Variants in MALRD1 observed in about 807,000 individuals in gnomAD.
MALRD1 encodes MAM and LDL-receptor class A domain-containing protein 1.
Under a neutral mutation model 242.1 loss-of-function variants are expected in MALRD1, and 247 were observed. That is an observed-to-expected ratio of 1.02 (90% CI 0.92 to 1.13). MALRD1 has a LOEUF of 1.13. Ranked by LOEUF, MALRD1 falls within the 50% of genes most tolerant of loss-of-function variation. The pLI is 0.00. For synonymous variants in MALRD1, 995 were observed against 866.6 expected (o/e 1.15, Z -2.60); for missense variants, 2,989 against 2,533.1 (o/e 1.18, Z -3.86).
rs115634239 is a variant in MALRD1 at position 19,130,220 on chromosome 10, C to T, written c.1110+1833C>T. Among the ~76,000 whole-genome samples the T allele has an allele frequency of 4.8e-3, 725 of 152,092 alleles. 8 individuals carry two copies. The highest frequency in any genetic ancestry group is 0.017 in the African/African-American group (691 of 41,484). On this transcript the variant is annotated intron_variant, in intron 8 of 39. Transcript: ENST00000454679. ...TGCAGCATTACAAACTGTCCAGATA[C>T]GTGGGATCAATTTTACCAAAAAGGA...
At chr10:19,256,337 G>A (rs11593818) in intron 18 of MALRD1, among the ~76,000 whole-genome samples, 7,205 of 152,056 alleles carry the variant, frequency 0.047, 244 homozygotes, top group Middle Eastern at 0.075. Context: ...ACGTTTTTCT[G>A]TAGTATGTTC....
At chr10:19,644,032 C>T (rs189884359) in intron 36 of MALRD1, among the ~76,000 whole-genome samples, 4 of 152,298 alleles carry the variant, frequency 2.6e-5, no homozygotes, top group African/African-American at 7.2e-5. Flanking sequence ...GCTCTCTCCT[C>T]TTGCCTCTTC....
intron 18 of MALRD1, among the ~76,000 whole-genome samples, chr10:19,233,606 A>T (rs954254641): frequency 3.3e-5 from 5 of 152,180 alleles, no homozygotes; most frequent in Non-Finnish European, 1.5e-5. Context: ...AAAAAAGTAG[A>T]AACAAAGACA....
rs949434657 is a variant in MALRD1 at position 19,124,428 on chromosome 10, T to C, written c.797-96T>C. ...ATTAGTGTGTGCTGATGTGTATGTG[T>C]GTATATAAGCTTTTTGGTTGATTAC... On this transcript the variant is annotated intron_variant, in intron 6 of 39. Coordinates refer to ENST00000454679, the MANE Select transcript of MALRD1 (RefSeq NM_001142308.3). 2.2e-5 allele frequency: 22 copies of C among 1,012,230 alleles called. 1 individual carries two copies. Among genetic ancestry groups the C allele is most frequent in the Non-Finnish European group, 2.4e-5 (19 of 787,124 alleles). The allele number at this position is 1,012,230 out of a possible 1,614,324, so 62.7% of individuals were successfully genotyped here. A position where few individuals can be genotyped will look rare whatever the true frequency, so the allele number is the denominator to read the frequency against.
chr10:19,629,776 C>G (rs1256567148), intron 36 of MALRD1, among the ~76,000 whole-genome samples: 2 of 152,136 alleles, frequency 1.3e-5, no homozygotes, highest in African/African-American at 4.8e-5. Flanking sequence ...CACAATTTCC[C>G]CAATCAGGCC....
At chr10:19,475,135 G>T (rs1836669381) in intron 29 of MALRD1, among the ~76,000 whole-genome samples, 1 of 152,170 alleles carries the variant, frequency 6.6e-6, no homozygotes, top group African/African-American at 2.4e-5. Flanking sequence ...AAACTTTCTG[G>T]CCGGGCGCAG....
At chr10:19,621,158 G>C (rs1258634508) in intron 36 of MALRD1, among the ~76,000 whole-genome samples, 1 of 151,448 alleles carries the variant, frequency 6.6e-6, no homozygotes, top group South Asian at 2.1e-4. Context: ...ATAAAATTCA[G>C]TTAGAACACT....
intron 25 of MALRD1, among the ~76,000 whole-genome samples, chr10:19,349,609 G>C (rs1178288823): frequency 6.6e-6 from 1 of 152,110 alleles, no homozygotes; most frequent in Non-Finnish European, 1.5e-5. Flanking sequence ...GTTTTTATCT[G>C]TTTTTGCTGT....
intron 31 of MALRD1, among the ~76,000 whole-genome samples, chr10:19,523,943 G>A (rs1489645555): frequency 2.0e-5 from 3 of 152,090 alleles, no homozygotes; most frequent in Non-Finnish European, 2.9e-5. Flanking sequence ...TCTCAAAAGA[G>A]ATTAATGCCT....
intron 27 of MALRD1, among the ~76,000 whole-genome samples, chr10:19,388,013 A>C (rs562830803): frequency 2.0e-5 from 3 of 152,258 alleles, no homozygotes; most frequent in Non-Finnish European, 4.4e-5. Context: ...CAAGATCAAG[A>C]TATTGGCAAT....
At chr10:19,197,682 G>A (rs1163639121) in intron 14 of MALRD1, among the ~76,000 whole-genome samples, 1 of 152,064 alleles carries the variant, frequency 6.6e-6, no homozygotes, top group East Asian at 1.9e-4. Context: ...TTTCTATAAA[G>A]TCTTCCTTGA....
intron 32 of MALRD1, among the ~76,000 whole-genome samples, chr10:19,562,297 G>GTAGATAGA (rs78473002): frequency 0.17 from 24,123 of 144,582 alleles, 2,156 homozygotes; most frequent in East Asian, 0.29. Flanking sequence ...GCTGTCTTAG[G>GTAGATAGA]TAGATAGATA....
In MALRD1 at chr10:19,723,839, A is replaced by T. The variant is rs564695908; in HGVS notation, c.6315-6867A>T. ...AATATGAACATGTTGCAAGAGTATT[A>T]CTCCCGTGAGATAGTAGTAGAAACT... is the stretch of plus-strand genomic sequence containing the variant. On this transcript the variant is annotated intron_variant, in intron 38 of 39. Coordinates refer to ENST00000454679, the MANE Select transcript of MALRD1 (RefSeq NM_001142308.3). Among the ~76,000 whole-genome samples the T allele has an allele frequency of 2.6e-5, 4 of 151,722 alleles. No individual in the cohort carries two copies. The South Asian group carries it at 8.3e-4, about 32-fold the overall frequency.
At chr10:19,661,170 C>A (rs1030532945) in intron 36 of MALRD1, among the ~76,000 whole-genome samples, 2 of 152,130 alleles carry the variant, frequency 1.3e-5, no homozygotes, top group African/African-American at 4.8e-5. Flanking sequence ...AATAGGAACG[C>A]TTTTACACTG....
intron 25 of MALRD1, among the ~76,000 whole-genome samples, chr10:19,350,249 C>G (rs1844314206): frequency 6.8e-6 from 1 of 147,932 alleles, no homozygotes; most frequent in South Asian, 2.1e-4. Flanking sequence ...GAGATGAGAC[C>G]TTAATGATTT....
At chr10:19,187,496 C>T (rs1478949684) in intron 14 of MALRD1, among the ~76,000 whole-genome samples, 1 of 152,044 alleles carries the variant, frequency 6.6e-6, no homozygotes, top group African/African-American at 2.4e-5. Flanking sequence ...GGGATTGGGA[C>T]AGGAACACAT....
intron 28 of MALRD1, among the ~76,000 whole-genome samples, chr10:19,426,389 A>G (rs1833903886): frequency 6.6e-6 from 1 of 152,198 alleles, no homozygotes; most frequent in Admixed American, 6.5e-5. Context: ...AGTTTAAGGG[A>G]TGGAAAATAC....
chr10:19,497,819 A>G (rs1837789850), intron 30 of MALRD1, among the ~76,000 whole-genome samples: 1 of 152,214 alleles, frequency 6.6e-6, no homozygotes, highest in African/African-American at 2.4e-5. Context: ...AAAAAGAAAA[A>G]TGAAAGCCTA....
intron 33 of MALRD1, among the ~76,000 whole-genome samples, chr10:19,585,657 C>G (rs1837354440): frequency 6.6e-6 from 1 of 152,052 alleles, no homozygotes; most frequent in African/African-American, 2.4e-5. Context: ...CTGCCCTTAA[C>G]ATTTTTTCCT....
Sources: allele counts gnomAD v4.1 joint callset (sites outside exome capture counted in the v4.1 genomes callset), GRCh38; gene constraint gnomAD v4.1.1; transcripts MANE v1.5; gene names NCBI Gene and HGNC (gene_info 2026-07-23, HGNC 2026-07-21).